Variants in FGF12 observed in about 807,000 individuals in gnomAD.
FGF12 encodes the protein fibroblast growth factor 12B.
FGF12 carries 14 observed loss-of-function variants against 23.6 expected under a neutral mutation model. The observed-to-expected ratio is 0.59, with a 90% confidence interval of 0.39 to 0.93. The LOEUF is 0.93. Among genes scored for constraint, FGF12 ranks in the 40% least tolerant of loss-of-function variants. The pLI is 0.00. For missense variants in FGF12, 175 were observed against 217.8 expected, an observed-to-expected ratio of 0.80 and a Z score of 1.24; for synonymous variants, 62 against 77.3, an observed-to-expected ratio of 0.80 and a Z score of 1.04.
At chr3:192,711,940 CAAAAAAAAA>C (rs60779864) in intron 2 of FGF12, among the ~76,000 whole-genome samples, 36 of 50,830 alleles carry the variant, frequency 7.1e-4, no homozygotes, top group African/African-American at 2.1e-4. Flanking sequence ...CAAGAACGAT[CAAAAAAAAA>C]AAAAAAAAAA....
intron 4 of FGF12, among the ~76,000 whole-genome samples, chr3:192,313,641 T>C (rs1716074547): frequency 6.6e-6 from 1 of 152,246 alleles, no homozygotes. Context: ...CTCTCTTCCT[T>C]GTAGTCTCTA....
intron 4 of FGF12, among the ~76,000 whole-genome samples, chr3:192,228,861 AAC>A (rs1718872256): frequency 6.6e-6 from 1 of 152,100 alleles, no homozygotes; most frequent in Non-Finnish European, 1.5e-5. Context: ...TCTGAGGAAA[AAC>A]AGAGGGAAAC....
intron 2 of FGF12, among the ~76,000 whole-genome samples, chr3:192,670,511 A>G (rs976166979): frequency 1.3e-5 from 2 of 152,192 alleles, no homozygotes; most frequent in Non-Finnish European, 2.9e-5. Flanking sequence ...TTGAAATAAT[A>G]ATAATAATGT....
chr3:192,705,358 C>T (rs1238718804), intron 2 of FGF12, among the ~76,000 whole-genome samples: 1 of 152,114 alleles, frequency 6.6e-6, no homozygotes, highest in African/African-American at 2.4e-5. Context: ...AGGAAATAGG[C>T]CTGAGAAGAG....
At chr3:192,166,830 G>GT (rs370876138) in intron 5 of FGF12, among the ~76,000 whole-genome samples, 72 of 148,632 alleles carry the variant, frequency 4.8e-4, no homozygotes, top group African/African-American at 8.1e-4. Context: ...AACCAATTAA[G>GT]TTTTTTTTTT....
chr3:192,511,906 C>A (rs1331873028), intron 2 of FGF12, among the ~76,000 whole-genome samples: 1 of 151,922 alleles, frequency 6.6e-6, no homozygotes, highest in African/African-American at 2.4e-5. Context: ...AAGACCGGAG[C>A]AATAATATAT....
At chr3:192,712,944 G>T (rs1032082707) in intron 2 of FGF12, among the ~76,000 whole-genome samples, 1 of 152,106 alleles carries the variant, frequency 6.6e-6, no homozygotes, top group Non-Finnish European at 1.5e-5. Flanking sequence ...ACTTCACGAT[G>T]AAATTGATAG....
chr3:192,185,846 G>A (rs1270856368), intron 4 of FGF12, among the ~76,000 whole-genome samples: 1 of 150,556 alleles, frequency 6.6e-6, no homozygotes. Context: ...GCGACAGAGC[G>A]AGGCTCCGTC....
At chr3:192,418,235 T>C (rs1400485105) in intron 2 of FGF12, among the ~76,000 whole-genome samples, 9 of 152,188 alleles carry the variant, frequency 5.9e-5, no homozygotes, top group Admixed American at 5.2e-4. Context: ...AAAGTTAATA[T>C]GTCAATGCTT....
chr3:192,418,974 C>G (rs1054207571), intron 2 of FGF12, among the ~76,000 whole-genome samples: 3 of 152,136 alleles, frequency 2.0e-5, no homozygotes, highest in African/African-American at 7.2e-5. Context: ...CAGTCCTGGG[C>G]CCTACACAGG....
chr3:192,666,916 A>G (rs543156096), intron 2 of FGF12, among the ~76,000 whole-genome samples: 28 of 118,090 alleles, frequency 2.4e-4, no homozygotes, highest in African/African-American at 9.8e-4. Context: ...GGATAGATAG[A>G]TGATAGATAG....
At chr3:192,480,065 C>A (rs1723438893) in intron 2 of FGF12, among the ~76,000 whole-genome samples, 2 of 152,006 alleles carry the variant, frequency 1.3e-5, no homozygotes, top group Admixed American at 6.6e-5. Flanking sequence ...GCAAAGAGGA[C>A]ATCAGTGCTC....
chr3:192,263,839 A>C (rs1445147074), intron 4 of FGF12, among the ~76,000 whole-genome samples: 1 of 152,146 alleles, frequency 6.6e-6, no homozygotes, highest in East Asian at 1.9e-4. Context: ...TCAAATGGAA[A>C]GACACATTAG....
intron 2 of FGF12, among the ~76,000 whole-genome samples, chr3:192,387,650 C>T (rs1720099935): frequency 6.6e-6 from 1 of 151,430 alleles, no homozygotes. Context: ...AGTTGAAGAT[C>T]AGCCTGGGCA....
In FGF12 at chr3:192,577,616, A is replaced by C. The variant is rs182190166; in HGVS notation, c.13+149565T>G. Among the ~76,000 whole-genome samples, 20 of 152,362 alleles carry C rather than the reference A, an allele frequency of 1.3e-4. No individual in the cohort carries two copies. In the East Asian group the frequency reaches 3.3e-3, roughly 25 times the overall value. On this transcript the variant is annotated intron_variant, in intron 2 of 5. Transcript: ENST00000445105. ...CCATATGGCATAGAGGAATTCACTA[A>C]AATTTAGGAATCTTAAATAGAGATC...
At chr3:192,614,083 T>C (rs1017984720) in intron 2 of FGF12, among the ~76,000 whole-genome samples, 1 of 151,946 alleles carries the variant, frequency 6.6e-6, no homozygotes, top group African/African-American at 2.4e-5. Context: ...CCTGAACATA[T>C]ACTTGCTCCA....
At chr3:192,548,436 A>T (rs764918305) in intron 2 of FGF12, among the ~76,000 whole-genome samples, 1 of 152,138 alleles carries the variant, frequency 6.6e-6, no homozygotes, top group Non-Finnish European at 1.5e-5. Flanking sequence ...GAAATGAATC[A>T]CTCAGAAAAA....
chr3:192,386,183 C>T (rs1560094926), intron 2 of FGF12, among the ~76,000 whole-genome samples: 1 of 152,142 alleles, frequency 6.6e-6, no homozygotes, highest in Non-Finnish European at 1.5e-5. Context: ...GAGCTAATTC[C>T]ACAGTTCCAC....
chr3:192,452,998 A>G (rs749622189), intron 2 of FGF12, among the ~76,000 whole-genome samples: 46 of 152,208 alleles, frequency 3.0e-4, no homozygotes, highest in Non-Finnish European at 3.5e-4. Flanking sequence ...AATTCCAGAC[A>G]ATTTTCAGTT....
Sources: allele counts gnomAD v4.1 joint callset (sites outside exome capture counted in the v4.1 genomes callset), GRCh38; gene constraint gnomAD v4.1.1; transcripts MANE v1.5; gene names NCBI Gene and HGNC (gene_info 2026-07-23, HGNC 2026-07-21).